Variants in FHL5 observed in about 807,000 individuals in gnomAD.
The protein encoded by FHL5 is four and a half LIM domains protein 5.
Under a neutral mutation model 32.0 loss-of-function variants are expected in FHL5, and 33 were observed. The ratio of observed to expected loss-of-function variants is 1.03; its 90% CI spans 0.78 to 1.38. The LOEUF is 1.38. Ranked by LOEUF, FHL5 falls within the 40% of genes most tolerant of loss-of-function variation. The pLI is 0.00. For missense variants in FHL5, 336 were observed against 343.9 expected (o/e 0.98, Z 0.18); for synonymous variants, 114 against 113.6 (o/e 1.00, Z -0.02).
chr6:96,616,343 T>C lies in FHL5; in HGVS notation c.*571T>C, dbSNP rs1771521115. On this transcript the variant is annotated 3_prime_UTR_variant, in exon 6 of 6. Coordinates refer to ENST00000450218, the MANE Select transcript of FHL5 (RefSeq NM_001322466.2). Reference sequence around the variant, plus strand: ...AAAACAAAGCTACAATTTGCCCTCATACACACTGCTTCCACAGCTTGCTAG... The same window carrying C: ...AAAACAAAGCTACAATTTGCCCTCACACACACTGCTTCCACAGCTTGCTAG... 6.6e-6 allele frequency: 1 copy of C among 152,212 alleles called. No individual in the cohort carries two copies. The allele number at this position is 152,212 out of a possible 1,614,324, so 9.4% of individuals were successfully genotyped here.
intron 5 of FHL5, among the ~76,000 whole-genome samples, chr6:96,614,761 A>G (rs969732555): frequency 6.6e-6 from 1 of 152,180 alleles, no homozygotes; most frequent in African/African-American, 2.4e-5. Flanking sequence ...CTCAAAATCA[A>G]TTTCTTGAAC....
chr6:96,600,906 C>G (rs889480294), intron 1 of FHL5, among the ~76,000 whole-genome samples: 1 of 152,140 alleles, frequency 6.6e-6, no homozygotes, highest in African/African-American at 2.4e-5. Flanking sequence ...TGACCTGAAC[C>G]AAATGCTTCC....
chr6:96,572,246 A>G (rs894431938), intron 1 of FHL5, among the ~76,000 whole-genome samples: 1 of 152,148 alleles, frequency 6.6e-6, no homozygotes. Context: ...AATGGAGTGC[A>G]TGACTGCTCT....
At chr6:96,613,819 A>G (rs1771462334) in intron 5 of FHL5, among the ~76,000 whole-genome samples, 1 of 152,202 alleles carries the variant, frequency 6.6e-6, no homozygotes, top group Non-Finnish European at 1.5e-5. Flanking sequence ...TTTTGTCTGC[A>G]AAGTGGGGCT....
intron 1 of FHL5, among the ~76,000 whole-genome samples, chr6:96,575,643 A>G (rs944064825): frequency 3.9e-5 from 6 of 152,320 alleles, no homozygotes; most frequent in South Asian, 4.1e-4. Context: ...TCACTCCTCA[A>G]GTGGCATAGA....
chr6:96,612,776 G>T (rs1185615077), intron 5 of FHL5, among the ~76,000 whole-genome samples: 1 of 151,938 alleles, frequency 6.6e-6, no homozygotes, highest in Non-Finnish European at 1.5e-5. Flanking sequence ...AGACACCAGA[G>T]GCTGAAATGC....
intron 1 of FHL5, among the ~76,000 whole-genome samples, chr6:96,573,527 A>ATT (rs553599471): frequency 0.021 from 2,321 of 112,184 alleles, 81 homozygotes; most frequent in African/African-American, 0.064. Flanking sequence ...AAATATTCTA[A>ATT]TTTTTTTTTT....
At chr6:96,594,267 A>G (rs1291849742) in intron 1 of FHL5, among the ~76,000 whole-genome samples, 8 of 79,994 alleles carry the variant, frequency 1.0e-4, no homozygotes, top group African/African-American at 2.4e-4. Flanking sequence ...ATATATATAT[A>G]TATATATGTA....
At chr6:96,577,726 T>G (rs1182111085) in intron 1 of FHL5, among the ~76,000 whole-genome samples, 1 of 152,202 alleles carries the variant, frequency 6.6e-6, no homozygotes, top group Non-Finnish European at 1.5e-5. Context: ...GGTCAACAAT[T>G]AAAACTTAGA....
At chr6:96,608,529 G>A (rs192490683) in intron 4 of FHL5, among the ~76,000 whole-genome samples, 272 of 152,164 alleles carry the variant, frequency 1.8e-3, no homozygotes, top group South Asian at 0.015. Context: ...CAGGCTGTTA[G>A]AACTTTTAAG....
chr6:96,566,342 T>C (rs991610150), intron 1 of FHL5, among the ~76,000 whole-genome samples: 1 of 152,096 alleles, frequency 6.6e-6, no homozygotes. Context: ...TGTTCTTTTT[T>C]ACAACTAAAT....
At chr6:96,610,118 A>T (rs942837671) in intron 4 of FHL5, among the ~76,000 whole-genome samples, 1 of 152,234 alleles carries the variant, frequency 6.6e-6, no homozygotes, top group Non-Finnish European at 1.5e-5. Flanking sequence ...ACAGGTAGTT[A>T]TAAGAACATA....
At chr6:96,568,455 T>G (rs1156956090) in intron 1 of FHL5, among the ~76,000 whole-genome samples, 1 of 151,876 alleles carries the variant, frequency 6.6e-6, no homozygotes, top group Non-Finnish European at 1.5e-5. Flanking sequence ...CTAGTTTTGG[T>G]ATCAAGGTAA....
At chr6:96,580,085 C>T (rs1353575222) in intron 1 of FHL5, among the ~76,000 whole-genome samples, 1 of 152,218 alleles carries the variant, frequency 6.6e-6, no homozygotes, top group Non-Finnish European at 1.5e-5. Context: ...CTGGAGACTT[C>T]TCCCTGTAAA....
At chr6:96,610,249 A>T (rs1329844324) in intron 4 of FHL5, among the ~76,000 whole-genome samples, 1 of 152,194 alleles carries the variant, frequency 6.6e-6, no homozygotes, top group East Asian at 1.9e-4. Context: ...TGAGTCCAAT[A>T]TGGCCCTGCC....
Position 96,608,203 on chromosome 6 carries a change from TTCA to T in FHL5, c.504+2133_504+2135del, listed in dbSNP as rs146093642. Among the ~76,000 whole-genome samples the T allele has an allele frequency of 4.0e-3, 616 of 152,312 alleles. 6 individuals are homozygous for T. The highest frequency in any genetic ancestry group is 0.014 in the African/African-American group (593 of 41,566). On this transcript the variant is annotated intron_variant, in intron 4 of 5. Transcript: ENST00000450218. ...GAAGACTCTTTCAATGCTATAACAA[TTCA>T]AGAGTGAAACTTCTTTAGTACATCC...
chr6:96,609,672 T>G (rs1368021411), intron 4 of FHL5, among the ~76,000 whole-genome samples: 1 of 152,230 alleles, frequency 6.6e-6, no homozygotes, highest in Non-Finnish European at 1.5e-5. Context: ...TGGAATTGCT[T>G]TCCAACTATT....
chr6:96,569,311 G>T (rs890299776), intron 1 of FHL5, among the ~76,000 whole-genome samples: 1 of 151,782 alleles, frequency 6.6e-6, no homozygotes, highest in Non-Finnish European at 1.5e-5. Flanking sequence ...AAATTGATAT[G>T]ATTTCTATTA....
At chr6:96,610,830 T>C (rs144561449) in intron 5 of FHL5, 72 bp downstream of exon 5, 27 of 1,134,754 alleles carry the variant, frequency 2.4e-5, no homozygotes, top group African/African-American at 3.1e-5. Context: ...CTAGTTAATT[T>C]AGGAAAAGCA....
Sources: allele counts gnomAD v4.1 joint callset (sites outside exome capture counted in the v4.1 genomes callset), GRCh38; gene constraint gnomAD v4.1.1; transcripts MANE v1.5; gene names NCBI Gene and HGNC (gene_info 2026-07-23, HGNC 2026-07-21).